KCNK2: variants seen among roughly 807,000 people sequenced by gnomAD.
KCNK2 encodes potassium channel subfamily K member 2.
Under a neutral mutation model 40.5 loss-of-function variants are expected in KCNK2, and 21 were observed. That is an observed-to-expected ratio of 0.52 (90% CI 0.37 to 0.75). KCNK2 has a LOEUF of 0.75. Ranked by LOEUF, KCNK2 falls within the 30% of genes least tolerant of loss-of-function variation. The probability of loss-of-function intolerance (pLI) is 0.00; values close to 1 mark genes in which losing one functional copy is unlikely to be tolerated. For missense variants in KCNK2, 399 were observed against 531.6 expected, an observed-to-expected ratio of 0.75 and a Z score of 2.45; for synonymous variants, 191 against 202.2, an observed-to-expected ratio of 0.94 and a Z score of 0.47.
At chr1:215,224,100 G>A (rs1165906582) in intron 6 of KCNK2, among the ~76,000 whole-genome samples, 3 of 152,138 alleles carry the variant, frequency 2.0e-5, no homozygotes, top group African/African-American at 4.8e-5. Context: ...AAAATGAAAC[G>A]ATGTCTAATC....
chr1:215,077,883 C>T (rs923489199), upstream of KCNK2, among the ~76,000 whole-genome samples: 6 of 152,272 alleles, frequency 3.9e-5, no homozygotes, highest in Middle Eastern at 3.4e-3. Flanking sequence ...CACTTTACCT[C>T]GTGCCTTCTT....
At chr1:215,095,694 C>G (rs2102544176) in intron 2 of KCNK2, among the ~76,000 whole-genome samples, 1 of 152,048 alleles carries the variant, frequency 6.6e-6, no homozygotes, top group African/African-American at 2.4e-5. Flanking sequence ...CCCTACAAAC[C>G]AAATCAGATT....
At chr1:215,157,004 T>C (rs984211754) in intron 3 of KCNK2, among the ~76,000 whole-genome samples, 1 of 151,954 alleles carries the variant, frequency 6.6e-6, no homozygotes, top group Non-Finnish European at 1.5e-5. Context: ...TGAGCCGAGA[T>C]TGCACCATTG....
intron 3 of KCNK2, among the ~76,000 whole-genome samples, chr1:215,139,638 C>T (rs562363251): frequency 6.6e-6 from 1 of 152,192 alleles, no homozygotes; most frequent in Non-Finnish European, 1.5e-5. Flanking sequence ...ACAAAATTAG[C>T]TGGACTTGGT....
Position 215,083,222 on chromosome 1 carries a change from C to T in KCNK2, c.-164C>T, listed in dbSNP as rs1047597144. 1.2e-5 allele frequency: 19 copies of T among 1,554,794 alleles called. No individual in the cohort carries two copies. The highest frequency in any genetic ancestry group is 1.4e-5 in the Non-Finnish European group (16 of 1,141,956). ...CCCCCCCGCCCCCTCCCGCGTCCAG[C>T]CCCGCTCTCCCCACCTTGTAAAACA... is the stretch of plus-strand genomic sequence containing the variant. On this transcript the variant is annotated 5_prime_UTR_variant, in exon 1 of 7. Coordinates refer to ENST00000444842, the MANE Select transcript of KCNK2 (RefSeq NM_001017425.3).
intron 6 of KCNK2, among the ~76,000 whole-genome samples, chr1:215,204,248 T>G (rs1665213573): frequency 6.6e-6 from 1 of 151,740 alleles, no homozygotes; most frequent in East Asian, 1.9e-4. Context: ...AATAAAAATG[T>G]GCAGGAAGAT....
At chr1:215,117,735 G>T (rs934012187) in intron 2 of KCNK2, among the ~76,000 whole-genome samples, 9 of 152,070 alleles carry the variant, frequency 5.9e-5, no homozygotes, top group Admixed American at 5.9e-4. Flanking sequence ...TTGCTTCCTT[G>T]TTCGGTTATT....
Position 215,195,159 on chromosome 1 carries a change from T to C in KCNK2, c.963+67T>C, listed in dbSNP as rs892206476. The C allele has an allele frequency of 4.1e-6, 5 of 1,230,752 alleles. No homozygotes were observed. The Admixed American group carries it at 1.0e-4, about 25-fold the overall frequency. The allele number at this position is 1,230,752 out of a possible 1,614,324, so 76.2% of individuals were successfully genotyped here. A position where few individuals can be genotyped will look rare whatever the true frequency, so the allele number is the denominator to read the frequency against. On this transcript the variant is annotated intron_variant, in intron 6 of 6. Coordinates refer to ENST00000444842, the MANE Select transcript of KCNK2 (RefSeq NM_001017425.3). ...TTCAATAAAGGTTATTTTAAATTAT[T>C]TTTATGTTTACATTTAAAATATTTA... is the stretch of plus-strand genomic sequence containing the variant.
chr1:215,042,100 T>G (rs911185418), intron 1 of KCNK2, among the ~76,000 whole-genome samples: 2 of 152,054 alleles, frequency 1.3e-5, no homozygotes, highest in Admixed American at 6.6e-5. Flanking sequence ...TTCAATTACC[T>G]CCCACGGGTT....
intron 2 of KCNK2, among the ~76,000 whole-genome samples, chr1:215,090,300 G>C (rs1233022396): frequency 6.6e-6 from 1 of 152,178 alleles, no homozygotes. Flanking sequence ...GGAAACTGAA[G>C]TAAGGGGCGC....
At chr1:215,199,534 T>C (rs780937608) in intron 6 of KCNK2, among the ~76,000 whole-genome samples, 1 of 152,204 alleles carries the variant, frequency 6.6e-6, no homozygotes, top group African/African-American at 2.4e-5. Context: ...AATAATGAGC[T>C]TGGTAATTTT....
intron 2 of KCNK2, among the ~76,000 whole-genome samples, chr1:215,120,618 G>A (rs1262252532): frequency 6.6e-6 from 1 of 152,006 alleles, no homozygotes; most frequent in Admixed American, 6.6e-5. Context: ...TGAATCTGTG[G>A]CATTTCCATG....
intron 6 of KCNK2, among the ~76,000 whole-genome samples, chr1:215,202,674 TG>T (rs1264895651): frequency 4.6e-5 from 7 of 152,156 alleles, no homozygotes; most frequent in African/African-American, 1.7e-4. Context: ...CGTTCAGAAA[TG>T]GAAACACTTC....
chr1:215,083,213 C>CCCCG lies in KCNK2; in HGVS notation c.-173_-172insCCCG. 5 of 1,393,882 alleles carry CCCCG rather than the reference C, an allele frequency of 3.6e-6. No homozygotes were observed. Among genetic ancestry groups the CCCCG allele is most frequent in the Admixed American group, 2.0e-5 (1 of 51,010 alleles). 86.3% of individuals were successfully genotyped at this position (1,393,882 alleles called of 1,614,324 possible). On this transcript the variant is annotated 5_prime_UTR_variant, in exon 1 of 7. Transcript: ENST00000444842. ...TCACGCTCCCCCCCCCGCCCCCTCC[C>CCCCG]GCGTCCAGCCCCGCTCTCCCCACCT...
At chr1:215,006,688 A>G (rs1656138599) in intron 1 of KCNK2, among the ~76,000 whole-genome samples, 1 of 152,082 alleles carries the variant, frequency 6.6e-6, no homozygotes, top group African/African-American at 2.4e-5. Context: ...GTCATATAGT[A>G]TGTACTAAAT....
chr1:215,223,219 C>G (rs900736422), intron 6 of KCNK2, among the ~76,000 whole-genome samples: 1 of 115,996 alleles, frequency 8.6e-6, no homozygotes, highest in East Asian at 2.4e-4. Context: ...ATGATTATAT[C>G]TGTACAGAAT....
intron 3 of KCNK2, among the ~76,000 whole-genome samples, chr1:215,160,662 A>G (rs1663154233): frequency 6.6e-6 from 1 of 151,450 alleles, no homozygotes; most frequent in Admixed American, 6.6e-5. Context: ...TTTCCTAACA[A>G]CTCACTTCCC....
intron 3 of KCNK2, among the ~76,000 whole-genome samples, chr1:215,144,240 G>A (rs1571661710): frequency 1.3e-5 from 2 of 152,122 alleles, no homozygotes; most frequent in African/African-American, 2.4e-5. Flanking sequence ...CATGGGAGCC[G>A]AATCCCATAC....
At chr1:215,102,998 A>G (rs1245776984) in intron 2 of KCNK2, among the ~76,000 whole-genome samples, 1 of 152,028 alleles carries the variant, frequency 6.6e-6, no homozygotes, top group Non-Finnish European at 1.5e-5. Flanking sequence ...TAGATCAAAT[A>G]CATTTAGAAA....
Sources: gnomAD v4.1 joint callset for allele counts (sites outside exome capture counted in the v4.1 genomes callset) on GRCh38, gnomAD v4.1.1 for gene constraint, MANE v1.5 for transcripts, NCBI Gene and HGNC (gene_info 2026-07-23, HGNC 2026-07-21) for gene names.